CACNA2D4: variants seen among roughly 807,000 people sequenced by gnomAD.
The protein encoded by CACNA2D4 is voltage-dependent calcium channel subunit alpha-2/delta-4.
In CACNA2D4, 157 loss-of-function variants were observed where a neutral mutation model predicts 163.8. That is an observed-to-expected ratio of 0.96 (90% CI 0.84 to 1.09). CACNA2D4 has a LOEUF of 1.09. Ranked by LOEUF, CACNA2D4 falls within the 50% of genes least tolerant of loss-of-function variation. The pLI, the probability that CACNA2D4 is intolerant of heterozygous loss-of-function variation, is 0.00. For missense variants in CACNA2D4, 1,410 were observed against 1,479.9 expected, an observed-to-expected ratio of 0.95 and a Z score of 0.78; for synonymous variants, 598 against 586.9, an observed-to-expected ratio of 1.02 and a Z score of -0.27.
intron 6 of CACNA2D4, among the ~76,000 whole-genome samples, chr12:1,889,671 A>G (rs986213879): frequency 1.2e-4 from 19 of 152,136 alleles, no homozygotes; most frequent in African/African-American, 4.6e-4. Context: ...ATAAGACTTC[A>G]GGGGTAATAA....
intron 35 of CACNA2D4, 49 bp downstream of exon 35, chr12:1,797,369 A>G: frequency 7.4e-7 from 1 of 1,354,606 alleles, no homozygotes. Flanking sequence ...CGCCTTGCCG[A>G]GGGCGGGAGG....
chr12:1,893,934 A>T (rs995652164), intron 6 of CACNA2D4, among the ~76,000 whole-genome samples: 5 of 152,176 alleles, frequency 3.3e-5, no homozygotes, highest in Non-Finnish European at 7.3e-5. Flanking sequence ...ACTAGAGACT[A>T]AAAAATTATG....
chr12:1,903,775 T>C (rs979516339), intron 6 of CACNA2D4, among the ~76,000 whole-genome samples: 1 of 152,034 alleles, frequency 6.6e-6, no homozygotes, highest in South Asian at 2.1e-4. Context: ...TTGATAATAA[T>C]GTAAATTAGT....
rs1285127407 is a variant in CACNA2D4 at position 1,907,586 on chromosome 12, T to C, written c.650-15A>G. 5 of 1,608,902 alleles carry C rather than the reference T, an allele frequency of 3.1e-6. No homozygotes were observed. The highest frequency in any genetic ancestry group is 4.3e-6 in the Non-Finnish European group (5 of 1,176,450). ...AATATCTGGGTCTGAAGGGTGAGAC[T>C]ATAGATTATGATCCTGTAGAACTTC... On this transcript the variant is annotated splice_polypyrimidine_tract_variant and intron_variant, in intron 5 of 37. Coordinates refer to ENST00000382722, the MANE Select transcript of CACNA2D4 (RefSeq NM_172364.5).
intron 18 of CACNA2D4, among the ~76,000 whole-genome samples, chr12:1,871,985 G>T (rs1865797880): frequency 1.3e-5 from 2 of 152,208 alleles, no homozygotes; most frequent in Non-Finnish European, 2.9e-5. Flanking sequence ...GTGTCTGAGG[G>T]TGTCTGGCCA....
chr12:1,907,916 G>C lies in CACNA2D4; in HGVS notation c.608C>G (p.Ser203Cys). The C allele has an allele frequency of 6.2e-7, 1 of 1,614,074 alleles. No homozygotes were observed. The highest frequency in any genetic ancestry group is 8.5e-7 in the Non-Finnish European group (1 of 1,179,902). ...AHFSNLPVNT[S>C]ISSVQLPTNV... Reference sequence around the variant, plus strand: ...GGTGGGCAGCTGCACGCTGCTGATGGAGGTGTTCACCGGCAGGTTGCTGAA... The same window carrying C: ...GGTGGGCAGCTGCACGCTGCTGATGCAGGTGTTCACCGGCAGGTTGCTGAA... Residue 203 changes from serine to cysteine, a missense_variant, in exon 5 of 38, where the codon TCC becomes TGC. By Grantham distance (112) the Ser-to-Cys change is moderately radical. Coordinates refer to ENST00000382722, the MANE Select transcript of CACNA2D4 (RefSeq NM_172364.5).
In CACNA2D4 at chr12:1,796,072, G is replaced by A. The variant is rs992483583; in HGVS notation, c.3114-292C>T. The A allele has an allele frequency of 6.7e-5, 24 of 357,256 alleles. No individual in the cohort carries two copies. In the East Asian group the frequency reaches 1.3e-3, roughly 19 times the overall value. 22.1% of individuals were successfully genotyped at this position (357,256 alleles called of 1,614,324 possible). Reference sequence around the variant, plus strand: ...GCAGAGTTGCTATTAATATATGCAGGGACGACAGGCGTAAATCAAGACCGT... The same window carrying A: ...GCAGAGTTGCTATTAATATATGCAGAGACGACAGGCGTAAATCAAGACCGT... On this transcript the variant is annotated intron_variant, in intron 35 of 37. Transcript: ENST00000382722.
chr12:1,798,571 G>T lies in CACNA2D4; in HGVS notation c.2996-1036C>A, dbSNP rs1321295079. Among the ~76,000 whole-genome samples the T allele has an allele frequency of 6.6e-6, 1 of 152,056 alleles. No individual in the cohort carries two copies. The highest frequency in any genetic ancestry group is 1.5e-5 in the Non-Finnish European group (1 of 67,986). ...ACAGAAGCCTGCCTGACAATGGCAG[G>T]GTTGAGTGGCGTCCCCAGGGTCACG... On this transcript the variant is annotated intron_variant, in intron 34 of 37. Transcript: ENST00000382722. The surrounding 1 kb of genome is among the most constrained non-coding windows in gnomAD (Gnocchi z 4.3).
chr12:1,887,107 G>A, intron 6 of CACNA2D4, 38 bp from the exon 7 acceptor site: 2 of 1,446,980 alleles, frequency 1.4e-6, no homozygotes, highest in Non-Finnish European at 1.9e-6. Flanking sequence ...CTAGCTTGGT[G>A]AGGCCACCCC....
In CACNA2D4 at chr12:1,838,425, C is replaced by T. The variant is rs78245320; in HGVS notation, c.2551+2314G>A. 2.6e-3 allele frequency among the ~76,000 whole-genome samples: 391 copies of T among 152,318 alleles called. 4 individuals carry two copies. Among genetic ancestry groups the T allele is most frequent in the African/African-American group, 8.9e-3 (369 of 41,570 alleles). Reference sequence around the variant, plus strand: ...CCGTTTCCAGGGACAGCAAATGAACCACCTACCCCTCCTTCAGCTACAGGC... The same window carrying T: ...CCGTTTCCAGGGACAGCAAATGAACTACCTACCCCTCCTTCAGCTACAGGC... On this transcript the variant is annotated intron_variant, in intron 26 of 37. Coordinates refer to ENST00000382722, the MANE Select transcript of CACNA2D4 (RefSeq NM_172364.5).
chr12:1,855,516 G>A (rs1261289567), intron 22 of CACNA2D4, among the ~76,000 whole-genome samples: 5 of 152,176 alleles, frequency 3.3e-5, no homozygotes, highest in Admixed American at 2.6e-4. Context: ...GGAGCACCTG[G>A]GGCTCCTAGA....
chr12:1,804,160 T>C (rs1285576991), intron 29 of CACNA2D4, among the ~76,000 whole-genome samples: 1 of 150,868 alleles, frequency 6.6e-6, no homozygotes, highest in African/African-American at 2.4e-5. Context: ...TGTGTGTGTG[T>C]GTGTCCCCTC....
At chr12:1,908,087 G>A (rs1461711801) in intron 4 of CACNA2D4, 50 bp from the exon 5 acceptor site, 1 of 1,559,252 alleles carries the variant, frequency 6.4e-7, no homozygotes. Context: ...ACCGGGACAG[G>A]CGGAGAGAGA....
At chr12:1,856,497 GT>G (rs1029739856) in intron 20 of CACNA2D4, among the ~76,000 whole-genome samples, 3 of 152,248 alleles carry the variant, frequency 2.0e-5, no homozygotes, top group Non-Finnish European at 2.9e-5. Context: ...TGCCCAGCCA[GT>G]GGGAGCATCT....
chr12:1,836,621 A>G (rs976262065), intron 26 of CACNA2D4: 1 of 152,506 alleles, frequency 6.6e-6, no homozygotes, highest in African/African-American at 2.4e-5. Flanking sequence ...GGGATTTTCT[A>G]AAGGGACTGG....
At chr12:1,880,400 C>T (rs574891753) in intron 13 of CACNA2D4, among the ~76,000 whole-genome samples, 161 of 152,368 alleles carry the variant, frequency 1.1e-3, no homozygotes, top group African/African-American at 3.7e-3. Flanking sequence ...CTGTGGTGGG[C>T]TTCGGGGCCG....
intron 22 of CACNA2D4, among the ~76,000 whole-genome samples, chr12:1,854,912 C>T (rs573582390): frequency 4.6e-5 from 7 of 152,252 alleles, no homozygotes; most frequent in South Asian, 4.1e-4. Context: ...ATTCAGTCAG[C>T]GGCATTTAGT....
intron 20 of CACNA2D4, among the ~76,000 whole-genome samples, chr12:1,857,636 T>C (rs1205867673): frequency 7.2e-5 from 11 of 152,124 alleles, no homozygotes; most frequent in Admixed American, 7.2e-4. Flanking sequence ...AGATAGGTTG[T>C]GGTCTCCTAA....
chr12:1,913,014 C>T lies in CACNA2D4; in HGVS notation c.426+9G>A. On this transcript the variant is annotated intron_variant, in intron 3 of 37. Transcript: ENST00000382722. ...GAGAAACGCCCTGCAGATCACAGGC[C>T]TGGAGTACCTGGACCGCCTCGACTT... 1 of 1,585,352 alleles carries T rather than the reference C, an allele frequency of 6.3e-7. No individual in the cohort carries two copies. The highest frequency in any genetic ancestry group is 8.7e-7 in the Non-Finnish European group (1 of 1,154,004).
Sources: allele counts gnomAD v4.1 joint callset (sites outside exome capture counted in the v4.1 genomes callset), GRCh38; gene constraint gnomAD v4.1.1; non-coding constraint Gnocchi (gnomAD v3.1); transcripts MANE v1.5; gene names NCBI Gene and HGNC (gene_info 2026-07-23, HGNC 2026-07-21).